Variants in NOX4 observed in about 807,000 individuals in gnomAD.
The protein encoded by NOX4 is kidney oxidase-1.
A neutral mutation model predicts 87.6 loss-of-function variants in NOX4; 69 were observed. The ratio of observed to expected loss-of-function variants is 0.79; its 90% CI spans 0.65 to 0.96. NOX4 has a LOEUF of 0.96. NOX4 is among the 40% of genes least tolerant of loss of function. The pLI is 0.00. For synonymous variants in NOX4, 275 were observed against 238.2 expected, an observed-to-expected ratio of 1.15 and a Z score of -1.42; for missense variants, 680 against 681.5, an observed-to-expected ratio of 1.00 and a Z score of 0.02.
intron 7 of NOX4, among the ~76,000 whole-genome samples, chr11:89,423,229 T>C (rs1295715615): frequency 6.6e-6 from 1 of 152,188 alleles, no homozygotes; most frequent in African/African-American, 2.4e-5. Flanking sequence ...AACCCAACTG[T>C]AGGCTAGGAG....
At chr11:89,521,857 A>C in the NOX4 span, among the ~76,000 whole-genome samples, 69 of 152,110 alleles carry the variant, frequency 4.5e-4, no homozygotes, top group Non-Finnish European at 9.6e-4. Flanking sequence ...TAACCCCATT[A>C]AAAAACAGGC....
intron 12 of NOX4, among the ~76,000 whole-genome samples, chr11:89,371,975 T>C (rs1348044823): frequency 6.6e-6 from 1 of 151,938 alleles, no homozygotes; most frequent in Non-Finnish European, 1.5e-5. Flanking sequence ...AGACATTACA[T>C]TTTATACATA....
chr11:89,396,524 A>G (rs573426078), intron 11 of NOX4, among the ~76,000 whole-genome samples: 1 of 152,222 alleles, frequency 6.6e-6, no homozygotes, highest in Admixed American at 6.6e-5. Flanking sequence ...ACAGACTGGC[A>G]AATTGGATAA....
chr11:89,372,988 C>T (rs1307913813), intron 12 of NOX4, among the ~76,000 whole-genome samples: 1 of 151,790 alleles, frequency 6.6e-6, no homozygotes, highest in Non-Finnish European at 1.5e-5. Context: ...ATATCTATTC[C>T]AAAGTTACTG....
At chr11:89,429,917 A>G (rs1206279064) in intron 7 of NOX4, among the ~76,000 whole-genome samples, 1 of 152,190 alleles carries the variant, frequency 6.6e-6, no homozygotes, top group Non-Finnish European at 1.5e-5. Flanking sequence ...AGAATTTTAG[A>G]CCAATATCCT....
At chr11:89,371,781 G>A (rs1939462178) in intron 12 of NOX4, among the ~76,000 whole-genome samples, 1 of 151,818 alleles carries the variant, frequency 6.6e-6, no homozygotes, top group African/African-American at 2.4e-5. Flanking sequence ...GGACGACCAT[G>A]ATCTCTTTTG....
At chr11:89,460,382 G>T (rs1020935167) in intron 2 of NOX4, among the ~76,000 whole-genome samples, 1 of 152,138 alleles carries the variant, frequency 6.6e-6, no homozygotes, top group Admixed American at 6.5e-5. Context: ...GCAACCTACG[G>T]AATGGGAGAA....
the NOX4 span, among the ~76,000 whole-genome samples, chr11:89,575,789 C>G: frequency 1.3e-5 from 2 of 151,660 alleles, no homozygotes; most frequent in Non-Finnish European, 2.9e-5. Context: ...TCTCTTCCTA[C>G]TTCATTTATT....
At chr11:89,471,353 G>A (rs976463698) in intron 2 of NOX4, among the ~76,000 whole-genome samples, 2 of 152,056 alleles carry the variant, frequency 1.3e-5, no homozygotes, top group African/African-American at 4.8e-5. Context: ...AGTACTCTTT[G>A]GGGAAAATAT....
the NOX4 span, among the ~76,000 whole-genome samples, chr11:89,539,130 TA>T: frequency 6.4e-3 from 968 of 151,868 alleles, 8 homozygotes; most frequent in Non-Finnish European, 8.9e-3. Context: ...CAGTCACAAA[TA>T]AAAAAAATAA....
chr11:89,438,985 ATAT>A (rs1371984999), intron 6 of NOX4, among the ~76,000 whole-genome samples: 3 of 104,694 alleles, frequency 2.9e-5, no homozygotes, highest in Non-Finnish European at 5.5e-5. Context: ...ATTATATATT[ATAT>A]TATTAATATA....
At chr11:89,572,693 G>C in the NOX4 span, among the ~76,000 whole-genome samples, 1 of 152,200 alleles carries the variant, frequency 6.6e-6, no homozygotes, top group East Asian at 1.9e-4. Context: ...GGGACTACAG[G>C]AGCATCTTTT....
Position 89,414,703 on chromosome 11 carries a change from T to C in NOX4, c.629+7199A>G, listed in dbSNP as rs1942669652. ...TTATGTATCTTAACAAGGTCAAACA[T>C]TTTAGGAAACATTTATCAGGCAGCA... On this transcript the variant is annotated intron_variant, in intron 8 of 17. Coordinates refer to ENST00000263317, the MANE Select transcript of NOX4 (RefSeq NM_016931.5). Among the ~76,000 whole-genome samples the C allele has an allele frequency of 2.6e-5, 4 of 151,454 alleles. No individual in the cohort carries two copies. In the South Asian group the frequency reaches 8.3e-4, roughly 32 times the overall value.
chr11:89,506,850 A>T, the NOX4 span, among the ~76,000 whole-genome samples: 1 of 151,940 alleles, frequency 6.6e-6, no homozygotes, highest in Non-Finnish European at 1.5e-5. Flanking sequence ...AGAACAAGTA[A>T]ATTAAAACTA....
rs1436711039 is a variant in NOX4, at chr11:89,488,999, T to C, written c.153+1459A>G. 8.5e-6 allele frequency: 6 copies of C among 702,288 alleles called. No homozygotes were observed. The East Asian group carries it at 1.3e-4, about 16-fold the overall frequency. 43.5% of individuals were successfully genotyped at this position (702,288 alleles called of 1,614,324 possible). On this transcript the variant is annotated intron_variant, in intron 2 of 17. Transcript: ENST00000263317. ...TATAGGTTTCAAGACAGTTCCTGGA[T>C]TGGATGGATGAAAGAAATAAATGAA...
intron 12 of NOX4, among the ~76,000 whole-genome samples, chr11:89,371,050 C>T: frequency 6.6e-6 from 1 of 151,972 alleles, no homozygotes; most frequent in Non-Finnish European, 1.5e-5. Flanking sequence ...TTTGGTATTT[C>T]CTATACCTAC....
chr11:89,360,567 C>A (rs1463119937), intron 12 of NOX4, among the ~76,000 whole-genome samples: 1 of 152,054 alleles, frequency 6.6e-6, no homozygotes, highest in Non-Finnish European at 1.5e-5. Context: ...AGCCTGAGTT[C>A]TTGACCTTAG....
chr11:89,587,306 T>C, the NOX4 span, among the ~76,000 whole-genome samples: 4 of 152,266 alleles, frequency 2.6e-5, no homozygotes, highest in South Asian at 8.3e-4. Context: ...GCTATATAGG[T>C]ACATTAATTA....
intron 11 of NOX4, among the ~76,000 whole-genome samples, chr11:89,398,278 A>T (rs1941621273): frequency 6.6e-6 from 1 of 152,118 alleles, no homozygotes; most frequent in East Asian, 1.9e-4. Flanking sequence ...CCTTCATGCT[A>T]AAAATTCTCA....
Sources: gnomAD v4.1 joint callset for allele counts (sites outside exome capture counted in the v4.1 genomes callset) on GRCh38, gnomAD v4.1.1 for gene constraint, MANE v1.5 for transcripts, NCBI Gene and HGNC (gene_info 2026-07-23, HGNC 2026-07-21) for gene names.